Variants in NELL1 observed in about 807,000 individuals in gnomAD.
The protein encoded by NELL1 is neural EGFL like 1.
Under a neutral mutation model 107.4 loss-of-function variants are expected in NELL1, and 76 were observed. The observed-to-expected ratio is 0.71, with a 90% CI of 0.59 to 0.86. NELL1 has a LOEUF of 0.86. Ranked by LOEUF, NELL1 falls within the 40% of genes least tolerant of loss-of-function variation. The probability of loss-of-function intolerance (pLI) is 0.00; values close to 1 mark genes in which losing one functional copy is unlikely to be tolerated. For missense variants in NELL1, 1,024 were observed against 1,005.5 expected (o/e 1.02, Z -0.25); for synonymous variants, 353 against 341.2 (o/e 1.03, Z -0.38).
chr11:21,032,782 T>C (rs1794857469), intron 12 of NELL1, among the ~76,000 whole-genome samples: 1 of 152,216 alleles, frequency 6.6e-6, no homozygotes, highest in Admixed American at 6.5e-5. Context: ...CCGAAATCAA[T>C]TGTTATTTAT....
intron 12 of NELL1, among the ~76,000 whole-genome samples, chr11:21,103,716 A>T (rs1011184161): frequency 6.6e-6 from 1 of 152,172 alleles, no homozygotes; most frequent in Non-Finnish European, 1.5e-5. Context: ...TCTTTGCAAA[A>T]CAAGAGTAGC....
intron 12 of NELL1, among the ~76,000 whole-genome samples, chr11:21,018,924 T>C (rs1395707566): frequency 6.6e-6 from 1 of 152,118 alleles, no homozygotes; most frequent in Non-Finnish European, 1.5e-5. Flanking sequence ...TAAGTATTCC[T>C]AATGTTTGGA....
At chr11:21,000,554 G>A (rs1290331920) in intron 12 of NELL1, among the ~76,000 whole-genome samples, 1 of 152,176 alleles carries the variant, frequency 6.6e-6, no homozygotes, top group Non-Finnish European at 1.5e-5. Context: ...CCAGCTTTAA[G>A]TCACTTTCAA....
intron 16 of NELL1, among the ~76,000 whole-genome samples, chr11:21,550,524 G>T (rs7925865): frequency 0.12 from 18,845 of 151,902 alleles, 1,208 homozygotes; most frequent in Middle Eastern, 0.18. Context: ...TGTATAAGGT[G>T]TAAGGAAGGG....
At chr11:21,557,968 A>G (rs1856762503) in intron 16 of NELL1, among the ~76,000 whole-genome samples, 1 of 152,066 alleles carries the variant, frequency 6.6e-6, no homozygotes, top group Non-Finnish European at 1.5e-5. Flanking sequence ...GGAGGTAGAC[A>G]AGTTAAACAC....
At chr11:20,869,485 T>C (rs1343021586) in intron 4 of NELL1, among the ~76,000 whole-genome samples, 2 of 152,176 alleles carry the variant, frequency 1.3e-5, no homozygotes, top group African/African-American at 2.4e-5. Context: ...ACTGAGCCAG[T>C]TCATCCATTT....
At chr11:21,311,419 A>G (rs1849746645) in intron 14 of NELL1, among the ~76,000 whole-genome samples, 1 of 152,124 alleles carries the variant, frequency 6.6e-6, no homozygotes, top group East Asian at 1.9e-4. Flanking sequence ...TTACATACGT[A>G]TATTTGGGGC....
At chr11:21,000,425 T>A (rs1045374323) in intron 12 of NELL1, among the ~76,000 whole-genome samples, 3 of 152,192 alleles carry the variant, frequency 2.0e-5, no homozygotes, top group African/African-American at 4.8e-5. Context: ...CCCAGAGCTA[T>A]TGTTGTCTGT....
At chr11:21,282,062 C>G (rs929364133) in intron 14 of NELL1, among the ~76,000 whole-genome samples, 2 of 152,030 alleles carry the variant, frequency 1.3e-5, no homozygotes, top group East Asian at 1.9e-4. Flanking sequence ...GAAAGACAAC[C>G]TACAGATGGG....
chr11:21,020,989 TGATAGAGCA>T (rs1852685371), intron 12 of NELL1, among the ~76,000 whole-genome samples: 1 of 144,120 alleles, frequency 6.9e-6, no homozygotes, highest in Non-Finnish European at 1.5e-5. Context: ...AGGGGCCAGC[TGATAGAGCA>T]GAAAGAAACT....
chr11:21,167,755 C>T (rs1158217471), intron 13 of NELL1, among the ~76,000 whole-genome samples: 2 of 151,786 alleles, frequency 1.3e-5, no homozygotes, highest in Non-Finnish European at 2.9e-5. Flanking sequence ...ATTCAGGCCA[C>T]ATTTGCACAA....
chr11:20,879,201 A>C (rs974201928), intron 4 of NELL1, among the ~76,000 whole-genome samples: 1 of 152,112 alleles, frequency 6.6e-6, no homozygotes, highest in Admixed American at 6.5e-5. Context: ...CCCAGCCACT[A>C]CCAGAGTCTT....
At chr11:20,819,168 T>G (rs10766728) in intron 3 of NELL1, among the ~76,000 whole-genome samples, 1 of 152,138 alleles carries the variant, frequency 6.6e-6, no homozygotes, top group South Asian at 2.1e-4. Flanking sequence ...TAATGCCATT[T>G]ATTTGACCTA....
At chr11:20,976,115 T>C (rs1406273859) in intron 12 of NELL1, among the ~76,000 whole-genome samples, 1 of 134,486 alleles carries the variant, frequency 7.4e-6, no homozygotes, top group Non-Finnish European at 1.6e-5. Flanking sequence ...TATCTGTACA[T>C]ATATGTATTA....
At chr11:21,269,961 G>A (rs1848708563) in intron 14 of NELL1, among the ~76,000 whole-genome samples, 1 of 152,010 alleles carries the variant, frequency 6.6e-6, no homozygotes, top group African/African-American at 2.4e-5. Context: ...TCTCTATGAA[G>A]TAGTATAGTA....
At position 21,483,884 on chromosome 11, in the gene NELL1, C is replaced by CATAT. The variant is rs71034525; in HGVS notation, c.1646-50476_1646-50473dup. ...ACATATACAAACACACACACACACA[C>CATAT]ATATATATATATATATAAAATATTC... On this transcript the variant is annotated intron_variant, in intron 15 of 19. Coordinates refer to ENST00000357134, the MANE Select transcript of NELL1 (RefSeq NM_006157.5). Among the ~76,000 whole-genome samples, 1,052 of 118,858 alleles carry CATAT rather than the reference C, an allele frequency of 8.9e-3. 8 individuals are homozygous for CATAT. The highest frequency in any genetic ancestry group is 0.032 in the African/African-American group (1,008 of 31,780). The allele number at this position is 118,858 out of a possible 152,430, so 78.0% of individuals were successfully genotyped here.
intron 14 of NELL1, among the ~76,000 whole-genome samples, chr11:21,315,168 A>T (rs995725043): frequency 6.6e-6 from 1 of 152,124 alleles, no homozygotes; most frequent in Admixed American, 6.5e-5. Flanking sequence ...AGAGCTCTTA[A>T]CCAGTACACA....
chr11:20,887,696 T>G (rs1362613099), intron 5 of NELL1, among the ~76,000 whole-genome samples: 1 of 152,190 alleles, frequency 6.6e-6, no homozygotes, highest in African/African-American at 2.4e-5. Context: ...CTTGAAGGGT[T>G]GCAGACTTGA....
chr11:21,406,268 C>A (rs1852233437), intron 15 of NELL1, among the ~76,000 whole-genome samples: 1 of 151,856 alleles, frequency 6.6e-6, no homozygotes, highest in African/African-American at 2.4e-5. Context: ...ATTTAGGGGG[C>A]AGTCATTGGG....
Sources: gnomAD v4.1 joint callset for allele counts (sites outside exome capture counted in the v4.1 genomes callset) on GRCh38, gnomAD v4.1.1 for gene constraint, MANE v1.5 for transcripts, NCBI Gene and HGNC (gene_info 2026-07-23, HGNC 2026-07-21) for gene names.